Variants in SEMA5A observed in about 807,000 individuals in gnomAD.
SEMA5A encodes semaphorin-5A.
In SEMA5A, 55 loss-of-function variants were observed where a neutral mutation model predicts 135.5. That is an observed-to-expected ratio of 0.41 (90% CI 0.33 to 0.51). The LOEUF (loss-of-function observed/expected upper bound fraction) is 0.51. Ranked by LOEUF, SEMA5A falls within the 20% of genes least tolerant of loss-of-function variation. The probability of loss-of-function intolerance (pLI) is 0.37; values close to 1 mark genes in which losing one functional copy is unlikely to be tolerated. For synonymous variants in SEMA5A, 580 were observed against 546.5 expected (o/e 1.06, Z -0.85); for missense variants, 1,290 against 1,419.9 (o/e 0.91, Z 1.47).
Position 9,066,348 on chromosome 5 carries a change from G to T in SEMA5A, c.2299+73C>A, listed in dbSNP as rs1737462534. On this transcript the variant is annotated intron_variant, in intron 17 of 22. Transcript: ENST00000382496. ...CCAAAAAGGAAAATGCCCCCTTGCT[G>T]TTTATGACCTTAGAGAAAAGATCAA... 10 of 1,444,252 alleles carry T rather than the reference G, an allele frequency of 6.9e-6. No individual in the cohort carries two copies. In the South Asian group the frequency reaches 1.0e-4, roughly 15 times the overall value. 89.5% of individuals were successfully genotyped at this position (1,444,252 alleles called of 1,614,324 possible).
intron 1 of SEMA5A, among the ~76,000 whole-genome samples, chr5:9,455,538 G>A (rs1462485607): frequency 3.9e-5 from 6 of 152,156 alleles, no homozygotes; most frequent in Admixed American, 3.9e-4. Context: ...TTACAGGCAT[G>A]AGCCACCGCG....
At chr5:9,428,224 C>T (rs183074995) in intron 2 of SEMA5A, among the ~76,000 whole-genome samples, 15 of 151,764 alleles carry the variant, frequency 9.9e-5, no homozygotes, top group Admixed American at 4.6e-4. Flanking sequence ...GGCAGATACT[C>T]TTAAACATTA....
chr5:9,180,844 T>A (rs572358400), intron 11 of SEMA5A, among the ~76,000 whole-genome samples: 1 of 152,314 alleles, frequency 6.6e-6, no homozygotes, highest in South Asian at 2.1e-4. Context: ...TTTGTTGAGC[T>A]AGTTGGCCAC....
At chr5:9,540,077 C>A (rs1048526934) in intron 1 of SEMA5A, among the ~76,000 whole-genome samples, 18 of 152,178 alleles carry the variant, frequency 1.2e-4, no homozygotes, top group South Asian at 2.1e-4. Flanking sequence ...TCAGTATACT[C>A]TATTGCAGTC....
chr5:9,174,562 A>G (rs1368957806), intron 11 of SEMA5A, among the ~76,000 whole-genome samples: 1 of 152,198 alleles, frequency 6.6e-6, no homozygotes, highest in Non-Finnish European at 1.5e-5. Flanking sequence ...CATGTCCTTC[A>G]GAATGCACTG....
At chr5:9,079,049 G>A (rs976950853) in intron 16 of SEMA5A, among the ~76,000 whole-genome samples, 1 of 152,036 alleles carries the variant, frequency 6.6e-6, no homozygotes, top group Middle Eastern at 3.4e-3. Context: ...GAATCGCATG[G>A]CTTAAATATA....
At chr5:9,335,506 GACA>G (rs1306915190) in intron 4 of SEMA5A, among the ~76,000 whole-genome samples, 1 of 152,194 alleles carries the variant, frequency 6.6e-6, no homozygotes, top group Non-Finnish European at 1.5e-5. Context: ...GACCTCCAGA[GACA>G]ACAAGAGAAT....
At chr5:9,219,136 T>C (rs748062471) in intron 8 of SEMA5A, among the ~76,000 whole-genome samples, 23 of 152,236 alleles carry the variant, frequency 1.5e-4, no homozygotes, top group Non-Finnish European at 2.6e-4. Context: ...CCAAAGCTTC[T>C]ACTGTCTATC....
chr5:9,487,298 T>A (rs780162308), intron 1 of SEMA5A, among the ~76,000 whole-genome samples: 16 of 152,210 alleles, frequency 1.1e-4, no homozygotes, highest in South Asian at 4.1e-4. Flanking sequence ...GCTCACTTAA[T>A]CTTCACAATA....
At chr5:9,062,068 G>A (rs994412469) in intron 18 of SEMA5A, among the ~76,000 whole-genome samples, 6 of 152,144 alleles carry the variant, frequency 3.9e-5, no homozygotes, top group South Asian at 4.1e-4. Flanking sequence ...TAGAAAGGCC[G>A]GCTTTTCCAT....
intron 5 of SEMA5A, among the ~76,000 whole-genome samples, chr5:9,239,800 A>C (rs1006354993): frequency 1.3e-5 from 2 of 152,092 alleles, no homozygotes; most frequent in Non-Finnish European, 2.9e-5. Context: ...TTAGATAAAG[A>C]GTCATTCACG....
At chr5:9,155,219 G>A (rs899575) in intron 11 of SEMA5A, among the ~76,000 whole-genome samples, 121,292 of 151,952 alleles carry the variant, frequency 0.8, 48,592 homozygotes, top group East Asian at 0.94. Flanking sequence ...GTCTACATTA[G>A]CTCCTTCTTT....
At chr5:9,265,368 T>C (rs1749629227) in intron 5 of SEMA5A, 1 of 454,036 alleles carries the variant, frequency 2.2e-6, no homozygotes, top group Non-Finnish European at 4.4e-6. Flanking sequence ...TTCAGCTCCC[T>C]ACCAGACCAT....
intron 16 of SEMA5A, among the ~76,000 whole-genome samples, chr5:9,087,804 G>A (rs1738781818): frequency 1.3e-5 from 2 of 152,078 alleles, no homozygotes; most frequent in African/African-American, 2.4e-5. Flanking sequence ...CCTCTTTCAG[G>A]CCTATAGAAA....
In SEMA5A at chr5:9,066,550, G is replaced by C; in HGVS notation, c.2170C>G (p.His724Asp). The change falls in exon 17 of 23, where the codon CAC (histidine) becomes GAC (aspartate). Residue 724 changes from histidine (H) to aspartate (D), a missense_variant. Around this residue, in one of 3 missense-constraint regions of SEMA5A, gnomAD observed 1,029 missense variants for 1,086.6 expected, o/e 0.95. Transcript: ENST00000382496. ...GTGTATCGGAATCGTTGCTCATAGT[G>C]GCCGCCGTTGTCAGAGATGTTGACA... ...TPVNISDNGG[H>D]YEQRFRYTCK... The C allele has an allele frequency of 6.2e-7, 1 of 1,614,162 alleles. No homozygotes were observed. The highest frequency in any genetic ancestry group is 8.5e-7 in the Non-Finnish European group (1 of 1,180,028).
At chr5:9,278,730 T>C (rs941543053) in intron 5 of SEMA5A, among the ~76,000 whole-genome samples, 1 of 152,206 alleles carries the variant, frequency 6.6e-6, no homozygotes, top group South Asian at 2.1e-4. Flanking sequence ...GGGGCCAAGG[T>C]ACAGCTCAGG....
intron 4 of SEMA5A, among the ~76,000 whole-genome samples, chr5:9,331,052 G>C (rs2150702679): frequency 6.6e-6 from 1 of 152,296 alleles, no homozygotes; most frequent in Non-Finnish European, 1.5e-5. Flanking sequence ...CGCTCAGCAT[G>C]TATTCCCTTT....
chr5:9,395,623 T>G (rs1460637721), intron 2 of SEMA5A, among the ~76,000 whole-genome samples: 1 of 152,246 alleles, frequency 6.6e-6, no homozygotes, highest in African/African-American at 2.4e-5. Flanking sequence ...ATTGACACTT[T>G]CCACTGTGAC....
intron 5 of SEMA5A, among the ~76,000 whole-genome samples, chr5:9,298,487 G>C (rs1188217805): frequency 2.0e-5 from 3 of 152,164 alleles, no homozygotes; most frequent in Non-Finnish European, 4.4e-5. Flanking sequence ...GTTATAGCAG[G>C]TCTAAGAAAC....
Sources: gnomAD v4.1 joint callset for allele counts (sites outside exome capture counted in the v4.1 genomes callset) on GRCh38, gnomAD v4.1.1 for gene constraint, gnomAD v4.1.1 regional missense constraint, MANE v1.5 for transcripts, NCBI Gene and HGNC (gene_info 2026-07-23, HGNC 2026-07-21) for gene names.